Variants in WT1 observed in about 807,000 individuals in gnomAD.
WT1 encodes the protein WT1 transcription factor.
In WT1, 8 loss-of-function variants were observed where a neutral mutation model predicts 60.8. The observed-to-expected ratio is 0.13, with a 90% CI of 0.08 to 0.24. WT1 has a LOEUF of 0.24. Ranked by LOEUF, WT1 falls within the 10% of genes least tolerant of loss-of-function variation. The probability of loss-of-function intolerance (pLI) is 1.00; values close to 1 mark genes in which losing one functional copy is unlikely to be tolerated. For synonymous variants in WT1, 312 were observed against 297.1 expected, an observed-to-expected ratio of 1.05 and a Z score of -0.52; for missense variants, 568 against 711.8, an observed-to-expected ratio of 0.80 and a Z score of 2.30.
intron 5 of WT1, among the ~76,000 whole-genome samples, chr11:32,410,367 C>T (rs1444118964): frequency 6.6e-6 from 1 of 152,186 alleles, no homozygotes; most frequent in Non-Finnish European, 1.5e-5. Context: ...CCCCAGCCAG[C>T]TAGAACCCCA....
intron 5 of WT1, among the ~76,000 whole-genome samples, chr11:32,411,068 T>TACACACACACACACAC (rs10525221): frequency 0.018 from 2,681 of 145,744 alleles, 48 homozygotes; most frequent in East Asian, 0.044. Flanking sequence ...CCCTCTCCAA[T>TACACACACACACACAC]ACACACACAC....
rs899352795 is a variant in WT1, at chr11:32,388,724, A to G, written c.*334T>C. 13 of 403,828 alleles carry G rather than the reference A, an allele frequency of 3.2e-5. No individual in the cohort carries two copies. Among genetic ancestry groups the G allele is most frequent in the African/African-American group, 2.5e-4 (13 of 51,018 alleles). The allele number at this position is 403,828 out of a possible 1,614,324, so 25.0% of individuals were successfully genotyped here. On this transcript the variant is annotated 3_prime_UTR_variant, in exon 10 of 10. Transcript: ENST00000452863. ...AATTCCATCCCCAGCGAAAACGAGC[A>G]TAAAAAAAGAAGGGAAGGGTCAGGG... is the stretch of plus-strand genomic sequence containing the variant.
rs778157653 is a variant in WT1 at position 32,400,056 on chromosome 11, A to C, written c.1017-12T>G. 25 of 1,614,052 alleles carry C rather than the reference A, an allele frequency of 1.5e-5. 1 individual carries two copies. In the South Asian group the frequency reaches 2.7e-4, roughly 18 times the overall value. On this transcript the variant is annotated splice_polypyrimidine_tract_variant and intron_variant, in intron 5 of 9. Transcript: ENST00000452863. The stretch of plus-strand genomic sequence containing the variant: ...ACCCTGTGCTGTGGCTGCAAACACA[A>C]AGAAGGGAAAAAGGCTCAGTGTGGC...
chr11:32,393,689 TC>T (rs1851884067), intron 7 of WT1, among the ~76,000 whole-genome samples: 1 of 152,172 alleles, frequency 6.6e-6, no homozygotes, highest in Non-Finnish European at 1.5e-5. Context: ...ACACTAAATG[TC>T]CCCCATCCCT....
At chr11:32,406,456 C>T (rs1420848818) in intron 5 of WT1, among the ~76,000 whole-genome samples, 2 of 152,044 alleles carry the variant, frequency 1.3e-5, no homozygotes, top group African/African-American at 4.8e-5. Flanking sequence ...GCTTTGCTAC[C>T]TCGCCTGCCG....
chr11:32,404,736 A>G (rs575232799), intron 5 of WT1, among the ~76,000 whole-genome samples: 1 of 152,340 alleles, frequency 6.6e-6, no homozygotes, highest in South Asian at 2.1e-4. Flanking sequence ...AAGAGCCACA[A>G]TATTAGTGAA....
chr11:32,423,387 T>C lies in WT1; in HGVS notation c.887+4569A>G, dbSNP rs552805091. ...TTTGAAAGACAACTGCTCTGTGTGT[T>C]AGAACTTCAGGAGAATGCTCAAGCC... On this transcript the variant is annotated intron_variant, in intron 3 of 9. Transcript: ENST00000452863. Among the ~76,000 whole-genome samples, 5 of 152,348 alleles carry C rather than the reference T, an allele frequency of 3.3e-5. No homozygotes were observed. The South Asian group carries it at 1.0e-3, about 32-fold the overall frequency.
intron 3 of WT1, among the ~76,000 whole-genome samples, chr11:32,420,289 A>G (rs1321062355): frequency 2.0e-5 from 3 of 152,246 alleles, no homozygotes; most frequent in Admixed American, 2.0e-4. Context: ...GATGTTCTAT[A>G]AGTTTTGGGA....
chr11:32,419,469 C>G (rs957637643), intron 3 of WT1, among the ~76,000 whole-genome samples: 2 of 152,134 alleles, frequency 1.3e-5, no homozygotes, highest in Non-Finnish European at 2.9e-5. Context: ...TTTTCCTAGG[C>G]CCTTTGGGGA....
In WT1 at chr11:32,434,890, G is replaced by A. The variant is rs753238865; in HGVS notation, c.471C>T (p.His157=). 1 of 1,611,928 alleles carries A rather than the reference G, an allele frequency of 6.2e-7. No homozygotes were observed. Among genetic ancestry groups the A allele is most frequent in the Non-Finnish European group, 8.5e-7 (1 of 1,179,688 alleles). ...TGAAGGCGCTCAGGCACTGCTCCTC[G>A]TGCGGCTCCGCGCCGCCCCAGCTCG... Residue 157 remains histidine (H), a synonymous_variant, in exon 1 of 10, where the codon CAC becomes CAT. Transcript: ENST00000452863.
At chr11:32,426,662 A>T (rs1411054086) in intron 3 of WT1, among the ~76,000 whole-genome samples, 1 of 150,290 alleles carries the variant, frequency 6.7e-6, no homozygotes, top group Non-Finnish European at 1.5e-5. Context: ...AGTTTCGAAT[A>T]GATAAACCGG....
Position 32,430,079 on chromosome 11 carries a change from G to A in WT1, c.662-1460C>T, listed in dbSNP as rs531861544. Among the ~76,000 whole-genome samples the A allele has an allele frequency of 2.6e-5, 4 of 152,128 alleles. No individual in the cohort carries two copies. The East Asian group carries it at 5.8e-4, about 22-fold the overall frequency. On this transcript the variant is annotated intron_variant, in intron 1 of 9. Transcript: ENST00000452863. ...CAGAGTGCAAGGGAGGGAAGGAGGGGGCAAATCCTAACTCCCGGATAGTAC... is the reference window on the plus strand; with the variant it reads ...CAGAGTGCAAGGGAGGGAAGGAGGGAGCAAATCCTAACTCCCGGATAGTAC...
intron 7 of WT1, among the ~76,000 whole-genome samples, chr11:32,395,732 G>A (rs1035286058): frequency 2.0e-5 from 3 of 151,994 alleles, no homozygotes; most frequent in African/African-American, 7.2e-5. Flanking sequence ...AAAGTGCTGG[G>A]ATTACAGGCG....
chr11:32,434,258 C>G (rs1027840484), intron 1 of WT1, among the ~76,000 whole-genome samples: 7 of 152,370 alleles, frequency 4.6e-5, no homozygotes, highest in Non-Finnish European at 1.0e-4. Context: ...CAGGCGCTCA[C>G]CCCCGCGCTG....
intron 6 of WT1, among the ~76,000 whole-genome samples, chr11:32,398,773 A>T (rs10835898): frequency 0.014 from 2,062 of 151,828 alleles, 44 homozygotes; most frequent in African/African-American, 0.047. Flanking sequence ...CCACAAATAG[A>T]CAAGGAGAAA....
rs1177313133 is a variant in WT1 at position 32,388,732 on chromosome 11, AG to A, written c.*325del. 2.4e-6 allele frequency: 1 copy of A among 409,162 alleles called. No individual in the cohort carries two copies. The highest frequency in any genetic ancestry group is 4.5e-6 in the Non-Finnish European group (1 of 224,000). 25.3% of individuals were successfully genotyped at this position (409,162 alleles called of 1,614,324 possible). A position where few individuals can be genotyped will look rare whatever the true frequency, so the allele number is the denominator to read the frequency against. ...CCCCAGCGAAAACGAGCATAAAAAA[AG>A]AAGGGAAGGGTCAGGGGGACATGAT... On this transcript the variant is annotated 3_prime_UTR_variant, in exon 10 of 10. Coordinates refer to ENST00000452863, the MANE Select transcript of WT1 (RefSeq NM_024426.6).
intron 3 of WT1, among the ~76,000 whole-genome samples, chr11:32,421,004 T>C (rs1385402629): frequency 1.3e-5 from 2 of 152,212 alleles, no homozygotes; most frequent in East Asian, 1.9e-4. Context: ...AGCACAGTTT[T>C]AACCACATCC....
At chr11:32,390,580 G>A (rs1296029288) in intron 9 of WT1, among the ~76,000 whole-genome samples, 1 of 152,182 alleles carries the variant, frequency 6.6e-6, no homozygotes, top group Non-Finnish European at 1.5e-5. Flanking sequence ...AGGGGTTTGT[G>A]ATGTCATGTT....
intron 7 of WT1, among the ~76,000 whole-genome samples, chr11:32,393,085 G>A (rs1384987580): frequency 6.6e-6 from 1 of 152,062 alleles, no homozygotes; most frequent in African/African-American, 2.4e-5. Flanking sequence ...TCAGCCCAGA[G>A]CCTGGCATAG....
Sources: gnomAD v4.1 joint callset for allele counts (sites outside exome capture counted in the v4.1 genomes callset) on GRCh38, gnomAD v4.1.1 for gene constraint, MANE v1.5 for transcripts, NCBI Gene and HGNC (gene_info 2026-07-23, HGNC 2026-07-21) for gene names.